Variants in MGAT4A observed in about 807,000 individuals in gnomAD.
MGAT4A encodes N-acetylglucosaminyltransferase IVa.
MGAT4A carries 33 observed loss-of-function variants against 74.1 expected under a neutral mutation model. That is an observed-to-expected ratio of 0.45 (90% CI 0.34 to 0.60). The LOEUF is 0.60. Ranked by LOEUF, MGAT4A falls within the 20% of genes least tolerant of loss-of-function variation. The pLI is 0.02. For synonymous variants in MGAT4A, 198 were observed against 210.4 expected, an observed-to-expected ratio of 0.94 and a Z score of 0.51; for missense variants, 479 against 628.3, an observed-to-expected ratio of 0.76 and a Z score of 2.54.
At position 98,620,376 on chromosome 2, in the gene MGAT4A, C is replaced by T. The variant is rs1003630223; in HGVS notation, c.*5190G>A. On this transcript the variant is annotated 3_prime_UTR_variant, in exon 16 of 16. Coordinates refer to ENST00000393487, the MANE Select transcript of MGAT4A (RefSeq NM_012214.3). The stretch of plus-strand genomic sequence containing the variant: ...AAGGGATTGGACTGGATAAAGTTCC[C>T]TTAAAACACTAAGGTATGGTTATGA... The T allele has an allele frequency of 6.6e-6, 1 of 152,150 alleles. No homozygotes were observed. The highest frequency in any genetic ancestry group is 1.5e-5 in the Non-Finnish European group (1 of 68,020). 9.4% of individuals were successfully genotyped at this position (152,150 alleles called of 1,614,324 possible). A position where few individuals can be genotyped will look rare whatever the true frequency, so the allele number is the denominator to read the frequency against.
intron 2 of MGAT4A, among the ~76,000 whole-genome samples, chr2:98,722,155 C>T (rs1702681918): frequency 6.6e-6 from 1 of 152,066 alleles, no homozygotes; most frequent in Non-Finnish European, 1.5e-5. Context: ...TTGGTAAATA[C>T]CCAAGAAAAA....
chr2:98,701,942 C>G (rs114140784), intron 2 of MGAT4A, among the ~76,000 whole-genome samples: 3,352 of 152,226 alleles, frequency 0.022, 51 homozygotes, highest in South Asian at 0.046. Flanking sequence ...CCTAGGGGCA[C>G]GTTCGAGAAC....
chr2:98,631,775 A>C (rs974624653), intron 14 of MGAT4A, among the ~76,000 whole-genome samples: 2 of 152,188 alleles, frequency 1.3e-5, no homozygotes, highest in Non-Finnish European at 2.9e-5. Flanking sequence ...CATCCGGTAC[A>C]CCAAGGCAAG....
intron 14 of MGAT4A, among the ~76,000 whole-genome samples, chr2:98,629,517 C>T (rs1701196325): frequency 1.3e-5 from 2 of 152,252 alleles, no homozygotes; most frequent in African/African-American, 2.4e-5. Flanking sequence ...ACATTGAATA[C>T]TGTCACCTGA....
Position 98,624,355 on chromosome 2 carries a change from T to C in MGAT4A, c.*1211A>G, listed in dbSNP as rs1004222422. On this transcript the variant is annotated 3_prime_UTR_variant, in exon 16 of 16. Transcript: ENST00000393487. ...AAAGTACTTTTATAAAGATCACTGA[T>C]TGCTGAGACCGGTAATATTCTTTGT... is the stretch of plus-strand genomic sequence containing the variant. 2 of 972,166 alleles carry C rather than the reference T, an allele frequency of 2.1e-6. No homozygotes were observed. The highest frequency in any genetic ancestry group is 1.1e-4 in the East Asian group (1 of 8,748). 60.2% of individuals were successfully genotyped at this position (972,166 alleles called of 1,614,324 possible).
At chr2:98,689,745 C>T (rs1702170659) in intron 2 of MGAT4A, among the ~76,000 whole-genome samples, 2 of 152,136 alleles carry the variant, frequency 1.3e-5, no homozygotes, top group Admixed American at 6.5e-5. Flanking sequence ...ATGGCTTGAG[C>T]ATAGGAGGCA....
intron 2 of MGAT4A, chr2:98,725,987 T>C: frequency 2.3e-6 from 1 of 434,132 alleles, no homozygotes; most frequent in Non-Finnish European, 4.1e-6. Context: ...TTTTAGAATA[T>C]AAAACACTGA....
chr2:98,633,422 T>C (rs1266518110), intron 14 of MGAT4A, among the ~76,000 whole-genome samples: 1 of 152,168 alleles, frequency 6.6e-6, no homozygotes, highest in Non-Finnish European at 1.5e-5. Context: ...CATGAATAAA[T>C]GTTGCTCCAT....
chr2:98,632,533 A>G (rs904917731), intron 14 of MGAT4A, among the ~76,000 whole-genome samples: 1 of 152,226 alleles, frequency 6.6e-6, no homozygotes, highest in African/African-American at 2.4e-5. Context: ...TAAAATTTCC[A>G]TTGTATTCCA....
chr2:98,664,435 T>C (rs772457156), intron 4 of MGAT4A, among the ~76,000 whole-genome samples: 2 of 152,268 alleles, frequency 1.3e-5, no homozygotes, highest in East Asian at 1.9e-4. Flanking sequence ...CAGAAAATTG[T>C]ACCCAGCTGA....
intron 10 of MGAT4A, among the ~76,000 whole-genome samples, chr2:98,641,701 T>G (rs1217462401): frequency 6.9e-6 from 1 of 144,948 alleles, no homozygotes; most frequent in Non-Finnish European, 1.5e-5. Flanking sequence ...GAAAAAAAAA[T>G]ACAAAAATTA....
chr2:98,700,399 T>C (rs1197946381), intron 2 of MGAT4A, among the ~76,000 whole-genome samples: 2 of 149,588 alleles, frequency 1.3e-5, no homozygotes, highest in Non-Finnish European at 3.0e-5. Flanking sequence ...ATATACTCTA[T>C]ATTATATTAG....
intron 2 of MGAT4A, among the ~76,000 whole-genome samples, chr2:98,684,402 C>G (rs1001672229): frequency 6.6e-6 from 1 of 152,080 alleles, no homozygotes; most frequent in Non-Finnish European, 1.5e-5. Flanking sequence ...CAAAATCTAA[C>G]TTTTTTAATT....
chr2:98,696,959 A>T (rs1270428628), intron 2 of MGAT4A, among the ~76,000 whole-genome samples: 2 of 152,158 alleles, frequency 1.3e-5, no homozygotes, highest in East Asian at 1.9e-4. Context: ...CCACTTTTTT[A>T]GGGGTGCCTG....
chr2:98,654,965 T>C (rs146909627), intron 8 of MGAT4A, among the ~76,000 whole-genome samples: 6 of 152,258 alleles, frequency 3.9e-5, no homozygotes, highest in East Asian at 1.9e-4. Context: ...TTGGTAAAAA[T>C]TGGACTGTTG....
At chr2:98,677,798 TA>T (rs199635303) in intron 3 of MGAT4A, among the ~76,000 whole-genome samples, 15 of 132,558 alleles carry the variant, frequency 1.1e-4, no homozygotes, top group Non-Finnish European at 1.8e-4. Flanking sequence ...TAGCAGGTAA[TA>T]AATTTTTTTT....
At chr2:98,700,993 C>T (rs1052750675) in intron 2 of MGAT4A, among the ~76,000 whole-genome samples, 18 of 151,678 alleles carry the variant, frequency 1.2e-4, no homozygotes, top group African/African-American at 3.6e-4. Context: ...GTGACATTTG[C>T]TCACATCTCT....
chr2:98,645,764 A>G lies in MGAT4A; in HGVS notation c.775-222T>C, dbSNP rs143402584. Among the ~76,000 whole-genome samples, 687 of 152,368 alleles carry G rather than the reference A, an allele frequency of 4.5e-3. 1 individual carries two copies. The highest frequency in any genetic ancestry group is 0.02 in the Middle Eastern group (6 of 294). On this transcript the variant is annotated intron_variant, in intron 8 of 15. Transcript: ENST00000393487. ...ACTAAGCCACTCCTTTCTATGGGAA[A>G]TAACAATGAGGAAAATGAGGACATC...
chr2:98,621,768 G>T lies in MGAT4A; in HGVS notation c.*3798C>A. 1 of 1,161,666 alleles carries T rather than the reference G, an allele frequency of 8.6e-7. No individual in the cohort carries two copies. The highest frequency in any genetic ancestry group is 1.1e-6 in the Non-Finnish European group (1 of 943,740). 72.0% of individuals were successfully genotyped at this position (1,161,666 alleles called of 1,614,324 possible). A position where few individuals can be genotyped will look rare whatever the true frequency, so the allele number is the denominator to read the frequency against. ...CTTTTCTTTGAGGGACAGCACTGTT[G>T]GGAGACAACCTCTTTTTCATTATTA... On this transcript the variant is annotated 3_prime_UTR_variant, in exon 16 of 16. Coordinates refer to ENST00000393487, the MANE Select transcript of MGAT4A (RefSeq NM_012214.3).
Sources: allele counts gnomAD v4.1 joint callset (sites outside exome capture counted in the v4.1 genomes callset), GRCh38; gene constraint gnomAD v4.1.1; transcripts MANE v1.5; gene names NCBI Gene and HGNC (gene_info 2026-07-23, HGNC 2026-07-21).